The following RARA variants were observed in gnomAD, a reference collection of about 807,000 sequenced individuals.
RARA encodes PML-DDX5-RARA fusion.
RARA carries 5 observed loss-of-function variants against 42.8 expected under a neutral mutation model. That is an observed-to-expected ratio of 0.12 (90% CI 0.06 to 0.25). The LOEUF (loss-of-function observed/expected upper bound fraction) is 0.25, where lower values mean the gene tolerates loss of function less well. RARA is among the 10% of genes least tolerant of loss of function. The probability of loss-of-function intolerance (pLI) is 1.00; values close to 1 mark genes in which losing one functional copy is unlikely to be tolerated. For missense variants in RARA, 402 were observed against 628.7 expected, an observed-to-expected ratio of 0.64 and a Z score of 3.86; for synonymous variants, 256 against 259.5, an observed-to-expected ratio of 0.99 and a Z score of 0.13.
intron 1 of RARA, among the ~76,000 whole-genome samples, chr17:40,330,128 GT>G (rs1325985046): frequency 2.0e-5 from 3 of 152,206 alleles, no homozygotes; most frequent in South Asian, 2.1e-4. Context: ...CAGTTCATGT[GT>G]TTTGCTTCTG....
intron 1 of RARA, among the ~76,000 whole-genome samples, chr17:40,315,073 G>A (rs34789145): frequency 0.088 from 12,593 of 143,116 alleles, 2,001 homozygotes; most frequent in African/African-American, 0.32. Context: ...GGAAAGAGTT[G>A]AGGAGGGAAC....
Position 40,354,400 on chromosome 17 carries a change from C to T in RARA, c.906C>T (p.Phe302=), listed in dbSNP as rs35163502. The part of the protein sequence containing the change: ...LNRTQMHNAG[F]GPLTDLVFAF... Reference sequence around the variant, plus strand: ...GGACCCAGATGCACAACGCTGGCTTCGGCCCCCTCACCGACCTGGTCTTTG... The same window carrying T: ...GGACCCAGATGCACAACGCTGGCTTTGGCCCCCTCACCGACCTGGTCTTTG... Residue 302 remains phenylalanine, a synonymous_variant, in exon 7 of 9, where the codon TTC becomes TTT. Transcript: ENST00000254066. This position sits in a 1 kb window ranked among gnomAD's most constrained non-coding sequence, Gnocchi z 4.5. 4.6e-5 allele frequency: 74 copies of T among 1,614,094 alleles called. No homozygotes were observed. In the African/African-American group the frequency reaches 6.4e-4, roughly 14 times the overall value.
At chr17:40,315,142 A>C (rs867784855) in intron 1 of RARA, among the ~76,000 whole-genome samples, 3 of 108,582 alleles carry the variant, frequency 2.8e-5, no homozygotes, top group African/African-American at 1.4e-4. Context: ...GTATATATAT[A>C]TATATATATA....
In RARA at chr17:40,351,752, C is replaced by T. The variant is rs900048426; in HGVS notation, c.470-158C>T. On this transcript the variant is annotated intron_variant, in intron 4 of 8. Coordinates refer to ENST00000254066, the MANE Select transcript of RARA (RefSeq NM_000964.4). This position sits in a 1 kb window ranked among gnomAD's most constrained non-coding sequence, Gnocchi z 4.1. ...TGGGTGGGCATGGAGGGCTGGAGTG[C>T]GTGGCAATGCCTTGCCTGCCCGTGA... Among the ~76,000 whole-genome samples the T allele has an allele frequency of 1.3e-5, 2 of 151,996 alleles. No individual in the cohort carries two copies. Among genetic ancestry groups the T allele is most frequent in the African/African-American group, 4.8e-5 (2 of 41,374 alleles).
At position 40,355,192 on chromosome 17, in the gene RARA, G is replaced by C. The variant is rs1313955162; in HGVS notation, c.1013-71G>C. On this transcript the variant is annotated intron_variant, in intron 7 of 8. Transcript: ENST00000254066. This position sits in a 1 kb window ranked among gnomAD's most constrained non-coding sequence, Gnocchi z 4.1. The stretch of plus-strand genomic sequence containing the variant: ...CCTCCTCCATGGCCTGGGCAGGCAC[G>C]CCCCCCGGTGGCCGAGGCTGGGGGT... 13 of 1,490,184 alleles carry C rather than the reference G, an allele frequency of 8.7e-6. No homozygotes were observed. The highest frequency in any genetic ancestry group is 2.2e-5 in the Admixed American group (1 of 44,744). The allele number at this position is 1,490,184 out of a possible 1,614,324, so 92.3% of individuals were successfully genotyped here. A position where few individuals can be genotyped will look rare whatever the true frequency, so the allele number is the denominator to read the frequency against.
intron 1 of RARA, among the ~76,000 whole-genome samples, chr17:40,313,203 C>T (rs2033129400): frequency 6.6e-6 from 1 of 152,108 alleles, no homozygotes; most frequent in African/African-American, 2.4e-5. Context: ...TCCAGACTCC[C>T]CAGAGCCCTT....
intron 2 of RARA, chr17:40,341,855 C>A: frequency 9.7e-7 from 1 of 1,034,120 alleles, no homozygotes; most frequent in Non-Finnish European, 1.3e-6. Flanking sequence ...ACGCCCGCCC[C>A]TCTTCCGTCC....
At position 40,356,174 on chromosome 17, in the gene RARA, C is replaced by G. The variant is rs2034621161; in HGVS notation, c.1337C>G (p.Pro446Arg). ...GCCCCCCCGCCAGGCAGCTGTAGCC[C>G]CAGCCTCAGCCCCAGCTCCAACAGA... The part of the protein sequence containing the change: ...GLAPPPGSCS[P>R]SLSPSSNRSS... The change falls in exon 9 of 9, where the codon CCC (proline) becomes CGC (arginine). Residue 446 changes from proline to arginine, a missense_variant. This residue lies in a region of RARA where 73 missense variants were observed against 59.8 expected (regional missense o/e 1.22). Coordinates refer to ENST00000254066, the MANE Select transcript of RARA (RefSeq NM_000964.4). 1.3e-6 allele frequency: 2 copies of G among 1,550,998 alleles called. No homozygotes were observed. The highest frequency in any genetic ancestry group is 3.9e-5 in the Admixed American group (2 of 51,020).
rs1166941939 is a variant in RARA, at chr17:40,348,048, T to C, written c.179-268T>C. ...TCCCCAAGCACAGTCACGGCACACA[T>C]ACAAATGTGATGGTTTATCATTGTA... On this transcript the variant is annotated intron_variant, in intron 2 of 8. Transcript: ENST00000254066. 5 of 360,854 alleles carry C rather than the reference T, an allele frequency of 1.4e-5. No homozygotes were observed. The East Asian group carries it at 2.2e-4, about 16-fold the overall frequency. 22.4% of individuals were successfully genotyped at this position (360,854 alleles called of 1,614,324 possible).
rs985072239 is a variant in RARA at position 40,357,066 on chromosome 17, G to A, written c.*840G>A. On this transcript the variant is annotated 3_prime_UTR_variant, in exon 9 of 9. Transcript: ENST00000254066. ...TGCCTGACCACTGGGTGTGGACGGTGTGGGGCAGCCCTGAAAGGACAGGCT... is the reference window on the plus strand; with the variant it reads ...TGCCTGACCACTGGGTGTGGACGGTATGGGGCAGCCCTGAAAGGACAGGCT... 32 of 354,154 alleles carry A rather than the reference G, an allele frequency of 9.0e-5. No individual in the cohort carries two copies. The Admixed American group carries it at 1.1e-3, about 12-fold the overall frequency. The allele number at this position is 354,154 out of a possible 1,614,324, so 21.9% of individuals were successfully genotyped here. A position where few individuals can be genotyped will look rare whatever the true frequency, so the allele number is the denominator to read the frequency against.
At chr17:40,347,485 G>C (rs557606195) in intron 2 of RARA, among the ~76,000 whole-genome samples, 131 of 152,302 alleles carry the variant, frequency 8.6e-4, no homozygotes, top group African/African-American at 2.8e-3. Context: ...TGCCCCTGCT[G>C]TCTGGGTCAC....
chr17:40,348,071 G>A, intron 2 of RARA: 1 of 410,338 alleles, frequency 2.4e-6, no homozygotes, highest in African/African-American at 2.1e-5. Context: ...GTTTATCATT[G>A]TATCTTTGTG....
At chr17:40,341,524 T>C (rs1370661929) in intron 2 of RARA, 2 of 1,478,608 alleles carry the variant, frequency 1.4e-6, no homozygotes, top group South Asian at 2.6e-5. Context: ...GCTCTCCGCG[T>C]CTCCGGGGGA....
chr17:40,336,718 C>T (rs866779387), intron 2 of RARA, among the ~76,000 whole-genome samples: 14 of 150,038 alleles, frequency 9.3e-5, no homozygotes, highest in Middle Eastern at 3.4e-3. Context: ...GTTTTTGAGA[C>T]GGAGTCTCAT....
intron 2 of RARA, chr17:40,348,024 C>T: frequency 3.3e-6 from 1 of 301,482 alleles, no homozygotes; most frequent in Non-Finnish European, 6.1e-6. Flanking sequence ...CACCCCTACT[C>T]CCCAAGCACA....
chr17:40,333,858 A>C (rs932767576), intron 2 of RARA, among the ~76,000 whole-genome samples: 3 of 152,186 alleles, frequency 2.0e-5, no homozygotes, highest in Admixed American at 2.0e-4. Flanking sequence ...GCTGGTCTCA[A>C]ACTCCTGAGC....
chr17:40,342,551 T>G (rs1210057396), intron 2 of RARA: 1 of 1,334,574 alleles, frequency 7.5e-7, no homozygotes, highest in African/African-American at 1.5e-5. Context: ...CGCGGGGACT[T>G]CAGGGCAGGG....
intron 1 of RARA, among the ~76,000 whole-genome samples, chr17:40,324,453 C>T (rs919564294): frequency 6.6e-6 from 1 of 152,096 alleles, no homozygotes; most frequent in East Asian, 1.9e-4. Context: ...ACCATGTCCC[C>T]CGGGGGATCT....
Position 40,356,766 on chromosome 17 carries a change from T to A in RARA, c.*540T>A, listed in dbSNP as rs2143557643. ...TTTATTTTAATTTTTTTGTTTTGAT[T>A]TTTTTAATAAGAATTTTCATTTTAA... On this transcript the variant is annotated 3_prime_UTR_variant, in exon 9 of 9. Transcript: ENST00000254066. 1.9e-6 allele frequency: 1 copy of A among 517,004 alleles called. No homozygotes were observed. Among genetic ancestry groups the A allele is most frequent in the East Asian group, 3.9e-5 (1 of 25,660 alleles). The allele number at this position is 517,004 out of a possible 1,614,324, so 32.0% of individuals were successfully genotyped here. A position where few individuals can be genotyped will look rare whatever the true frequency, so the allele number is the denominator to read the frequency against.
Sources: gnomAD v4.1 joint callset for allele counts (sites outside exome capture counted in the v4.1 genomes callset) on GRCh38, gnomAD v4.1.1 for gene constraint, gnomAD v4.1.1 regional missense constraint, Gnocchi (gnomAD v3.1) non-coding constraint, MANE v1.5 for transcripts, NCBI Gene and HGNC (gene_info 2026-07-23, HGNC 2026-07-21) for gene names.